The following TAFA1 variants were observed in gnomAD, a reference collection of about 807,000 sequenced individuals.
TAFA1 encodes the protein TAFA chemokine like family member 1.
A neutral mutation model predicts 18.5 loss-of-function variants in TAFA1; 4 were observed. The ratio of observed to expected loss-of-function variants is 0.22; its 90% CI spans 0.11 to 0.49. The LOEUF is 0.49. Among genes scored for constraint, TAFA1 ranks in the 20% least tolerant of loss-of-function variants. The pLI is 0.98. For missense variants in TAFA1, 147 were observed against 169.0 expected (o/e 0.87, Z 0.72); for synonymous variants, 56 against 55.2 (o/e 1.01, Z -0.06).
intron 3 of TAFA1, among the ~76,000 whole-genome samples, chr3:68,500,437 T>C (rs557843227): frequency 1.2e-3 from 182 of 152,304 alleles, no homozygotes; most frequent in African/African-American, 3.9e-3. Context: ...ATAAAACTTC[T>C]TAATGTCTGT....
chr3:68,184,318 T>G (rs2066242945), intron 2 of TAFA1, among the ~76,000 whole-genome samples: 1 of 152,102 alleles, frequency 6.6e-6, no homozygotes, highest in Non-Finnish European at 1.5e-5. Context: ...GCATTCTAAG[T>G]CCTACCTGAA....
intron 2 of TAFA1, among the ~76,000 whole-genome samples, chr3:68,221,348 CT>C (rs996681099): frequency 8.5e-5 from 13 of 152,088 alleles, no homozygotes; most frequent in Non-Finnish European, 1.0e-4. Flanking sequence ...GGGTTTGCCC[CT>C]ATTCCTCCTC....
intron 2 of TAFA1, among the ~76,000 whole-genome samples, chr3:68,012,695 C>T (rs1021537154): frequency 2.6e-5 from 4 of 151,934 alleles, no homozygotes; most frequent in African/African-American, 9.7e-5. Context: ...TATCAAAAAG[C>T]TTAAAATATT....
At chr3:68,254,228 G>A (rs909368934) in intron 2 of TAFA1, among the ~76,000 whole-genome samples, 3 of 151,540 alleles carry the variant, frequency 2.0e-5, no homozygotes. Flanking sequence ...TTCCTACTGG[G>A]CATTGGTCTT....
intron 3 of TAFA1, among the ~76,000 whole-genome samples, chr3:68,466,298 A>G (rs907409623): frequency 6.6e-6 from 1 of 152,202 alleles, no homozygotes; most frequent in Non-Finnish European, 1.5e-5. Flanking sequence ...AACAAAAATG[A>G]AATGGAGCAG....
At chr3:68,137,982 T>TAA (rs71112616) in intron 2 of TAFA1, among the ~76,000 whole-genome samples, 9 of 147,940 alleles carry the variant, frequency 6.1e-5, no homozygotes, top group African/African-American at 2.2e-4. Context: ...CGCTACTATT[T>TAA]AAAAAAAAAA....
chr3:68,184,419 A>G (rs2066244487), intron 2 of TAFA1, among the ~76,000 whole-genome samples: 1 of 152,138 alleles, frequency 6.6e-6, no homozygotes, highest in Non-Finnish European at 1.5e-5. Context: ...TAGAAGGTAT[A>G]CCAACATATT....
chr3:68,028,483 C>G (rs540153847), intron 2 of TAFA1, among the ~76,000 whole-genome samples: 19 of 152,218 alleles, frequency 1.2e-4, no homozygotes, highest in Non-Finnish European at 2.2e-4. Context: ...TTACCACAAA[C>G]TGGGTGGCTT....
At chr3:68,035,217 G>T (rs984119871) in intron 2 of TAFA1, among the ~76,000 whole-genome samples, 2 of 152,280 alleles carry the variant, frequency 1.3e-5, no homozygotes, top group South Asian at 4.1e-4. Context: ...GGCCAGGCCA[G>T]CCTGTGGTCC....
At chr3:68,089,401 G>A (rs1409801900) in intron 2 of TAFA1, among the ~76,000 whole-genome samples, 1 of 152,186 alleles carries the variant, frequency 6.6e-6, no homozygotes, top group African/African-American at 2.4e-5. Flanking sequence ...AATGATGGAA[G>A]TATAGGTGGA....
At chr3:68,341,769 T>C (rs1393992664) in intron 2 of TAFA1, among the ~76,000 whole-genome samples, 2 of 152,200 alleles carry the variant, frequency 1.3e-5, no homozygotes, top group African/African-American at 2.4e-5. Context: ...TCCTGAGTTA[T>C]AATTTTTGCA....
intron 2 of TAFA1, among the ~76,000 whole-genome samples, chr3:68,136,530 C>T (rs1330683235): frequency 6.6e-6 from 1 of 152,098 alleles, no homozygotes; most frequent in Non-Finnish European, 1.5e-5. Context: ...TGCCACTGTT[C>T]CGTAGTGACT....
At chr3:68,250,773 T>C (rs1465704016) in intron 2 of TAFA1, 1 of 151,774 alleles carries the variant, frequency 6.6e-6, no homozygotes, top group Non-Finnish European at 1.5e-5. Context: ...TTTAGTCATT[T>C]GTTGTTTTTT....
At chr3:68,356,457 A>G (rs889424142) in intron 2 of TAFA1, among the ~76,000 whole-genome samples, 6 of 151,906 alleles carry the variant, frequency 3.9e-5, no homozygotes, top group Non-Finnish European at 7.4e-5. Context: ...CAACAATCTC[A>G]GGTACAGTAA....
chr3:68,278,880 C>T (rs1033263490), intron 2 of TAFA1, among the ~76,000 whole-genome samples: 5 of 152,096 alleles, frequency 3.3e-5, no homozygotes, highest in African/African-American at 1.2e-4. Flanking sequence ...ATCCACACAC[C>T]ATGGTTTGTT....
At chr3:68,407,004 TG>T (rs2070624020) in intron 2 of TAFA1, among the ~76,000 whole-genome samples, 1 of 152,066 alleles carries the variant, frequency 6.6e-6, no homozygotes, top group Admixed American at 6.6e-5. Context: ...ATCTAGTGGG[TG>T]GGTGTTGAGT....
chr3:68,009,203 T>G lies in TAFA1; in HGVS notation c.118+2459T>G, dbSNP rs915728240. On this transcript the variant is annotated intron_variant, in intron 2 of 4. Coordinates refer to ENST00000478136, the MANE Select transcript of TAFA1 (RefSeq NM_213609.4). ...ACCAATGCTATGTGTCTTATTTTAC[T>G]CTGTGCGTATAATCATGAAATAGAT... 5.9e-5 allele frequency among the ~76,000 whole-genome samples: 9 copies of G among 152,348 alleles called. No homozygotes were observed. The South Asian group carries it at 1.9e-3, about 32-fold the overall frequency.
chr3:68,351,547 G>C (rs1386247249), intron 2 of TAFA1, among the ~76,000 whole-genome samples: 1 of 152,008 alleles, frequency 6.6e-6, no homozygotes, highest in African/African-American at 2.4e-5. Flanking sequence ...ATATTCATGG[G>C]GGACACTCGG....
At chr3:68,205,538 A>C (rs1175655200) in intron 2 of TAFA1, among the ~76,000 whole-genome samples, 1 of 151,862 alleles carries the variant, frequency 6.6e-6, no homozygotes, top group Non-Finnish European at 1.5e-5. Context: ...AGAGATTCTG[A>C]CAGTATTTGA....
Sources: gnomAD v4.1 joint callset for allele counts (sites outside exome capture counted in the v4.1 genomes callset) on GRCh38, gnomAD v4.1.1 for gene constraint, MANE v1.5 for transcripts, NCBI Gene and HGNC (gene_info 2026-07-23, HGNC 2026-07-21) for gene names.